SPAG16: variants seen among roughly 807,000 people sequenced by gnomAD.
SPAG16 encodes sperm-associated antigen 16 protein.
A neutral mutation model predicts 80.4 loss-of-function variants in SPAG16; 86 were observed. The ratio of observed to expected loss-of-function variants is 1.07; its 90% CI spans 0.90 to 1.28. SPAG16 has a LOEUF of 1.28. SPAG16 is among the 50% of genes most tolerant of loss of function. The pLI is 0.00. For missense variants in SPAG16, 870 were observed against 765.3 expected, an observed-to-expected ratio of 1.14 and a Z score of -1.61; for synonymous variants, 294 against 265.9, an observed-to-expected ratio of 1.11 and a Z score of -1.03.
intron 15 of SPAG16, among the ~76,000 whole-genome samples, chr2:214,363,030 T>C (rs1038792763): frequency 6.6e-6 from 1 of 151,900 alleles, no homozygotes; most frequent in African/African-American, 2.4e-5. Context: ...ATTTTCTTCT[T>C]TTGCACTGCA....
intron 10 of SPAG16, among the ~76,000 whole-genome samples, chr2:213,741,681 T>G (rs1264802740): frequency 1.3e-5 from 2 of 152,288 alleles, no homozygotes; most frequent in South Asian, 4.1e-4. Context: ...GTGTAAAATC[T>G]TAGGGATTTT....
In SPAG16 at chr2:213,724,198, T is replaced by C. The variant is rs926527231; in HGVS notation, c.1071-138287T>C. Among the ~76,000 whole-genome samples the C allele has an allele frequency of 3.9e-5, 6 of 152,282 alleles. No individual in the cohort carries two copies. The South Asian group carries it at 6.2e-4, about 16-fold the overall frequency. Reference sequence around the variant, plus strand: ...GGAAAAATAGCTCACTGGGACGTTATAGAAGAGTTTAAGGGTGAATAAATG... The same window carrying C: ...GGAAAAATAGCTCACTGGGACGTTACAGAAGAGTTTAAGGGTGAATAAATG... On this transcript the variant is annotated intron_variant, in intron 10 of 15. Coordinates refer to ENST00000331683, the MANE Select transcript of SPAG16 (RefSeq NM_024532.5).
At chr2:213,318,618 T>C (rs1362108304) in intron 5 of SPAG16, among the ~76,000 whole-genome samples, 1 of 151,722 alleles carries the variant, frequency 6.6e-6, no homozygotes, top group Non-Finnish European at 1.5e-5. Context: ...CAACTGCACT[T>C]TTACCCCTTA....
chr2:214,013,656 G>C (rs1297955391), intron 12 of SPAG16, among the ~76,000 whole-genome samples: 3 of 152,040 alleles, frequency 2.0e-5, no homozygotes, highest in Non-Finnish European at 4.4e-5. Flanking sequence ...TATTATGTGG[G>C]GATAATTTTT....
intron 8 of SPAG16, among the ~76,000 whole-genome samples, chr2:213,367,075 A>G (rs1049745499): frequency 6.6e-6 from 1 of 152,052 alleles, no homozygotes; most frequent in African/African-American, 2.4e-5. Context: ...GCTGAGAACG[A>G]TGGTTTCCAG....
intron 12 of SPAG16, among the ~76,000 whole-genome samples, chr2:213,988,087 A>G (rs2046106613): frequency 6.6e-6 from 1 of 151,980 alleles, no homozygotes; most frequent in African/African-American, 2.4e-5. Context: ...AGATAGATAA[A>G]TAATTAGTGA....
intron 15 of SPAG16, among the ~76,000 whole-genome samples, chr2:214,235,672 GT>G (rs34761592): frequency 3.3e-5 from 5 of 151,058 alleles, no homozygotes; most frequent in Admixed American, 6.6e-5. Context: ...GGTCGCCAAG[GT>G]TTTTTTTTAA....
intron 10 of SPAG16, among the ~76,000 whole-genome samples, chr2:213,672,138 T>C (rs1009025087): frequency 6.6e-6 from 1 of 152,080 alleles, no homozygotes; most frequent in Non-Finnish European, 1.5e-5. Context: ...TGTGAAACAA[T>C]GAAGGTTCAT....
At chr2:213,687,773 C>T (rs780507011) in intron 10 of SPAG16, among the ~76,000 whole-genome samples, 7 of 152,130 alleles carry the variant, frequency 4.6e-5, no homozygotes, top group East Asian at 1.9e-4. Flanking sequence ...ATATGATTCT[C>T]GGAACTGAGA....
At position 213,471,888 on chromosome 2, in the gene SPAG16, T is replaced by C. The variant is rs573456964; in HGVS notation, c.943-18075T>C. ...AGGTGGGGTCAAATTCAGCAACTTA[T>C]CCTTCACCTTAGAAGGAATGTCTTG... On this transcript the variant is annotated intron_variant, in intron 9 of 15. Coordinates refer to ENST00000331683, the MANE Select transcript of SPAG16 (RefSeq NM_024532.5). Among the ~76,000 whole-genome samples, 5 of 152,322 alleles carry C rather than the reference T, an allele frequency of 3.3e-5. No individual in the cohort carries two copies. In the Middle Eastern group the frequency reaches 0.01, roughly 311 times the overall value.
intron 13 of SPAG16, among the ~76,000 whole-genome samples, chr2:214,094,245 T>C (rs1044201024): frequency 6.6e-6 from 1 of 152,112 alleles, no homozygotes; most frequent in African/African-American, 2.4e-5. Context: ...CCTTGTTTCT[T>C]GCAGAGCATT....
chr2:213,544,772 A>C (rs940023967), intron 10 of SPAG16, among the ~76,000 whole-genome samples: 4 of 152,198 alleles, frequency 2.6e-5, no homozygotes, highest in Admixed American at 1.3e-4. Flanking sequence ...GGAATCATAT[A>C]GTTTGTAGCC....
intron 10 of SPAG16, among the ~76,000 whole-genome samples, chr2:213,559,600 A>T (rs1455069014): frequency 6.6e-6 from 1 of 152,162 alleles, no homozygotes; most frequent in Non-Finnish European, 1.5e-5. Flanking sequence ...GTAAAATTAT[A>T]GTGCATATAT....
intron 11 of SPAG16, among the ~76,000 whole-genome samples, chr2:213,906,252 C>T (rs1313879312): frequency 6.6e-6 from 1 of 150,820 alleles, no homozygotes; most frequent in Admixed American, 6.6e-5. Flanking sequence ...CGAAAGCAAT[C>T]GCATATACAA....
At chr2:214,298,074 C>CTA (rs34462560) in intron 15 of SPAG16, among the ~76,000 whole-genome samples, 91,984 of 136,808 alleles carry the variant, frequency 0.67, 34,370 homozygotes, top group Non-Finnish European at 0.82. Context: ...AGATGTATGC[C>CTA]TATATATATA....
rs373224742 is a variant in SPAG16 at position 213,782,276 on chromosome 2, T to C, written c.1071-80209T>C. On this transcript the variant is annotated intron_variant, in intron 10 of 15. Transcript: ENST00000331683. Reference sequence around the variant, plus strand: ...CTGTTTTTTAGTGTTCTTCCTCCCATGGTAGATAATTAATAAAAACATTGA... The same window carrying C: ...CTGTTTTTTAGTGTTCTTCCTCCCACGGTAGATAATTAATAAAAACATTGA... 7.9e-5 allele frequency among the ~76,000 whole-genome samples: 12 copies of C among 152,134 alleles called. No homozygotes were observed. The East Asian group carries it at 1.5e-3, about 20-fold the overall frequency.
intron 10 of SPAG16, among the ~76,000 whole-genome samples, chr2:213,542,704 A>C (rs934991731): frequency 1.1e-4 from 17 of 152,112 alleles, no homozygotes; most frequent in African/African-American, 4.1e-4. Flanking sequence ...AAAGAGAAAA[A>C]ATGAGTTGAT....
intron 9 of SPAG16, among the ~76,000 whole-genome samples, chr2:213,398,510 T>A (rs2068155160): frequency 1.3e-5 from 2 of 152,232 alleles, no homozygotes; most frequent in African/African-American, 4.8e-5. Context: ...ACTGTAGGTA[T>A]GCCCCACCTT....
chr2:213,976,720 G>T (rs1457707815), intron 12 of SPAG16, among the ~76,000 whole-genome samples: 2 of 152,070 alleles, frequency 1.3e-5, no homozygotes, highest in Non-Finnish European at 2.9e-5. Context: ...TAGGAGTTCA[G>T]GGTGGCCTCT....
Sources: allele counts gnomAD v4.1 joint callset (sites outside exome capture counted in the v4.1 genomes callset), GRCh38; gene constraint gnomAD v4.1.1; transcripts MANE v1.5; gene names NCBI Gene and HGNC (gene_info 2026-07-23, HGNC 2026-07-21).